DNAH12: variants seen among roughly 807,000 people sequenced by gnomAD.
DNAH12 encodes the protein dynein axonemal heavy chain 12.
DNAH12 carries 285 observed loss-of-function variants against 371.5 expected under a neutral mutation model. That is an observed-to-expected ratio of 0.77 (90% confidence interval 0.70 to 0.85). The LOEUF is 0.85. Ranked by LOEUF, DNAH12 falls within the 40% of genes least tolerant of loss-of-function variation. DNAH12 has a pLI of 0.00. For synonymous variants in DNAH12, 1,200 were observed against 1,213.0 expected, an observed-to-expected ratio of 0.99 and a Z score of 0.22; for missense variants, 3,611 against 3,689.4, an observed-to-expected ratio of 0.98 and a Z score of 0.55.
In DNAH12 at chr3:57,314,710, A is replaced by G; in HGVS notation, c.10525-79T>C. 2.8e-6 allele frequency: 4 copies of G among 1,404,102 alleles called. No individual in the cohort carries two copies. The South Asian group carries it at 6.0e-5, about 21-fold the overall frequency. The allele number at this position is 1,404,102 out of a possible 1,614,324, so 87.0% of individuals were successfully genotyped here. ...GTAAAATGAGAGGAATAGATAAATG[A>G]TCTTTCTCACAAGATTCTGTGATCA... is the stretch of plus-strand genomic sequence containing the variant. On this transcript the variant is annotated intron_variant, in intron 65 of 73. Coordinates refer to ENST00000495027, the MANE Select transcript of DNAH12 (RefSeq NM_001366028.2).
chr3:57,510,799 T>C lies in DNAH12; in HGVS notation c.460A>G (p.Arg154Gly). The C allele has an allele frequency of 1.2e-6, 2 of 1,613,742 alleles. No individual in the cohort carries two copies. Among genetic ancestry groups the C allele is most frequent in the South Asian group, 2.2e-5 (2 of 90,970 alleles). Residue 154 changes from arginine (R) to glycine (G), a missense_variant, in exon 5 of 74, where the codon AGA (arginine) becomes GGA (glycine). By Grantham distance (125) the Arg-to-Gly change is moderately radical. Around this residue, in one of 3 missense-constraint regions of DNAH12, gnomAD observed 1,314 missense variants for 1,398.7 expected, o/e 0.94. Coordinates refer to ENST00000495027, the MANE Select transcript of DNAH12 (RefSeq NM_001366028.2). ...VSSDFENSMK[R>G]YLVQSVLVKP... ...GTTAGATGCTACTTACCCAAATATC[T>C]CTTCATGCTGTTTTCAAAGTCACTT...
At position 57,468,769 on chromosome 3, in the gene DNAH12, G is replaced by T. The variant is rs2066277318; in HGVS notation, c.2316C>A (p.Cys772Ter). 6.6e-7 allele frequency: 1 copy of T among 1,520,310 alleles called. No individual in the cohort carries two copies. Among genetic ancestry groups the T allele is most frequent in the African/African-American group, 1.4e-5 (1 of 70,622 alleles). 94.2% of individuals were successfully genotyped at this position (1,520,310 alleles called of 1,614,324 possible). The change falls in exon 17 of 74, where the codon TGC becomes TGA. Residue 772 changes from cysteine to a stop codon, truncating the protein, a stop_gained. Coordinates refer to ENST00000495027, the MANE Select transcript of DNAH12 (RefSeq NM_001366028.2). LOFTEE classifies it high-confidence loss of function. ...CTTTTATCTGTTCCATGACTGTACTGCACATAGTAATAGTAGCATTGTCTT... is the reference window on the plus strand; with the variant it reads ...CTTTTATCTGTTCCATGACTGTACTTCACATAGTAATAGTAGCATTGTCTT... ...EPKDNATITM[C>*]STVMEQIKAF...
Position 57,483,417 on chromosome 3 carries a change from C to T in DNAH12, c.1609G>A (p.Ala537Thr). The T allele has an allele frequency of 2.6e-6, 4 of 1,551,260 alleles. No individual in the cohort carries two copies. The highest frequency in any genetic ancestry group is 2.0e-5 in the Admixed American group (1 of 50,838). The part of the protein sequence containing the change: ...MMDLISYVEK[A>T]RTVGIEELIL... Reference sequence around the variant, plus strand: ...AACTCTTCGATTCCTACAGTCCGGGCTTTTTCTACATAAGATATCAGATCC... The same window carrying T: ...AACTCTTCGATTCCTACAGTCCGGGTTTTTTCTACATAAGATATCAGATCC... Residue 537 changes from alanine (A) to threonine (T), a missense_variant, in exon 13 of 74, where the codon GCC (alanine) becomes ACC (threonine). Physicochemically the swap from Ala to Thr is moderately conservative, Grantham distance 58. This residue lies in a region of DNAH12 where 1,314 missense variants were observed against 1,398.7 expected (regional missense o/e 0.94). Coordinates refer to ENST00000495027, the MANE Select transcript of DNAH12 (RefSeq NM_001366028.2).
At chr3:57,513,075 T>C (rs375608559) in intron 4 of DNAH12, among the ~76,000 whole-genome samples, 16 of 151,666 alleles carry the variant, frequency 1.1e-4, no homozygotes, top group African/African-American at 3.4e-4. Context: ...GAAGCGGAGA[T>C]TGCAGTGAGC....
chr3:57,357,402 T>A (rs2062824690), intron 58 of DNAH12, 54 bp from the exon 59 acceptor site: 1 of 152,176 alleles, frequency 6.6e-6, no homozygotes, highest in Non-Finnish European at 1.5e-5. Context: ...TTTAGTTATG[T>A]ACTTTTCATA....
At chr3:57,423,955 T>C (rs1194062683) in intron 35 of DNAH12, among the ~76,000 whole-genome samples, 1 of 150,994 alleles carries the variant, frequency 6.6e-6, no homozygotes, top group Non-Finnish European at 1.5e-5. Context: ...GCCAGGCTGG[T>C]CTCGAACTCC....
intron 52 of DNAH12, 66 bp downstream of exon 52, chr3:57,379,092 A>G (rs1262308736): frequency 6.6e-6 from 1 of 152,230 alleles, no homozygotes; most frequent in East Asian, 1.9e-4. Context: ...ACCAGTAAAT[A>G]TAAGCACAGA....
the DNAH12 span, among the ~76,000 whole-genome samples, chr3:57,552,244 CAAA>C: frequency 1.5e-5 from 2 of 132,006 alleles, no homozygotes. Flanking sequence ...GACTCCATCT[CAAA>C]AAAAAAAAAA....
chr3:57,317,014 G>T (rs1431355616), intron 65 of DNAH12, among the ~76,000 whole-genome samples: 1 of 152,128 alleles, frequency 6.6e-6, no homozygotes, highest in Non-Finnish European at 1.5e-5. Flanking sequence ...ACAAATAGAT[G>T]TGTGCAAATG....
Position 57,368,547 on chromosome 3 carries a change from C to T in DNAH12, c.8760-287G>A, listed in dbSNP as rs905970955. On this transcript the variant is annotated intron_variant, in intron 55 of 73. Transcript: ENST00000495027. Reference sequence around the variant, plus strand: ...GAAGTAGTAGGACCTTGTGAATCTACGAGCTCTGCTCTTCCCAATATAATA... The same window carrying T: ...GAAGTAGTAGGACCTTGTGAATCTATGAGCTCTGCTCTTCCCAATATAATA... Among the ~76,000 whole-genome samples, 7 of 151,950 alleles carry T rather than the reference C, an allele frequency of 4.6e-5. No individual in the cohort carries two copies. The South Asian group carries it at 6.2e-4, about 13-fold the overall frequency.
At chr3:57,476,495 C>G (rs141516402) in intron 13 of DNAH12, among the ~76,000 whole-genome samples, 2 of 152,046 alleles carry the variant, frequency 1.3e-5, no homozygotes, top group Non-Finnish European at 2.9e-5. Context: ...ACCCAGGAGG[C>G]GGAGGTTGCA....
In DNAH12 at chr3:57,384,988, A is replaced by C. The variant is rs2063472593; in HGVS notation, c.7701T>G (p.Ser2567=). The C allele has an allele frequency of 6.6e-6, 1 of 152,230 alleles. No individual in the cohort carries two copies. The highest frequency in any genetic ancestry group is 2.4e-5 in the African/African-American group (1 of 41,470). 9.4% of individuals were successfully genotyped at this position (152,230 alleles called of 1,614,324 possible). Residue 2567 remains serine, a synonymous_variant, in exon 49 of 74, where the codon TCT becomes TCG. Coordinates refer to ENST00000495027, the MANE Select transcript of DNAH12 (RefSeq NM_001366028.2). Reference sequence around the variant, plus strand: ...ATTGTCTTTTCGCTTCCACTTGTACAGACTCTATCTCAATAACCTAAAGAG... The same window carrying C: ...ATTGTCTTTTCGCTTCCACTTGTACCGACTCTATCTCAATAACCTAAAGAG... ...ANMMQVIEIE[S]VQVEAKRQFV... is the part of the protein sequence containing the mutation.
chr3:57,335,416 TGATA>T (rs1458510399), intron 60 of DNAH12, among the ~76,000 whole-genome samples: 2 of 152,248 alleles, frequency 1.3e-5, no homozygotes, highest in East Asian at 1.9e-4. Flanking sequence ...TTGGTTCTAC[TGATA>T]AATACAGCCA....
At position 57,462,844 on chromosome 3, in the gene DNAH12, T is replaced by C; in HGVS notation, c.2381A>G (p.Asn794Ser). 2 of 1,551,390 alleles carry C rather than the reference T, an allele frequency of 1.3e-6. No individual in the cohort carries two copies. Among genetic ancestry groups the C allele is most frequent in the South Asian group, 2.4e-5 (2 of 84,050 alleles). Residue 794 changes from asparagine (N) to serine (S), a missense_variant, in exon 18 of 74, where the codon AAT (asparagine) becomes AGT (serine). By Grantham distance (46) the Asn-to-Ser change is conservative. Around this residue, in one of 3 missense-constraint regions of DNAH12, gnomAD observed 1,314 missense variants for 1,398.7 expected, o/e 0.94. Coordinates refer to ENST00000495027, the MANE Select transcript of DNAH12 (RefSeq NM_001366028.2). ...EYIPTVSILC[N>S]PGMRARHWKQ... ...CCAGTGACGAGCTCTCATTCCTGGATTGCACAGAATGGAGACAGTAGGAAT... is the reference window on the plus strand; with the variant it reads ...CCAGTGACGAGCTCTCATTCCTGGACTGCACAGAATGGAGACAGTAGGAAT...
intron 39 of DNAH12, among the ~76,000 whole-genome samples, chr3:57,413,369 A>G (rs1244794068): frequency 6.6e-6 from 1 of 152,216 alleles, no homozygotes; most frequent in East Asian, 1.9e-4. Context: ...TGATGGACAC[A>G]TATCATATAC....
At chr3:57,347,413 G>T (rs2062567128) in intron 60 of DNAH12, among the ~76,000 whole-genome samples, 1 of 152,094 alleles carries the variant, frequency 6.6e-6, no homozygotes, top group Non-Finnish European at 1.5e-5. Context: ...CCTATCAAAA[G>T]ATGTAGAAAA....
upstream of DNAH12, among the ~76,000 whole-genome samples, chr3:57,547,622 C>T (rs1476487442): frequency 1.3e-5 from 2 of 152,060 alleles, no homozygotes; most frequent in Non-Finnish European, 2.9e-5. Context: ...ATAAATATTT[C>T]AATTTTACTC....
intron 19 of DNAH12, 136 bp downstream of exon 19, chr3:57,461,352 AT>A: frequency 1.5e-6 from 1 of 654,752 alleles, no homozygotes; most frequent in Non-Finnish European, 2.5e-6. Context: ...GAAATAAAAT[AT>A]CAAAGTTATA....
At chr3:57,500,136 G>C (rs1287317083) in intron 11 of DNAH12, among the ~76,000 whole-genome samples, 1 of 133,804 alleles carries the variant, frequency 7.5e-6, no homozygotes, top group Non-Finnish European at 1.6e-5. Flanking sequence ...CGCCTCCCAG[G>C]TTCAAGCGAT....
Sources: allele counts gnomAD v4.1 joint callset (sites outside exome capture counted in the v4.1 genomes callset), GRCh38; gene constraint gnomAD v4.1.1; regional missense constraint gnomAD v4.1.1; transcripts MANE v1.5; gene names NCBI Gene and HGNC (gene_info 2026-07-23, HGNC 2026-07-21).